Variants in SKIL observed in about 807,000 individuals in gnomAD.
The protein encoded by SKIL is SKI like proto-oncogene, also known as ski-like protein.
SKIL carries 20 observed loss-of-function variants against 69.6 expected under a neutral mutation model. The observed-to-expected ratio is 0.29, with a 90% confidence interval of 0.20 to 0.42. SKIL has a LOEUF of 0.42. SKIL is among the 10% of genes least tolerant of loss of function. The probability of loss-of-function intolerance (pLI) is 1.00; values close to 1 mark genes in which losing one functional copy is unlikely to be tolerated. For missense variants in SKIL, 745 were observed against 783.1 expected (o/e 0.95, Z 0.58); for synonymous variants, 310 against 279.9 (o/e 1.11, Z -1.08).
At chr3:170,383,384 A>G (rs1470304267) in intron 3 of SKIL, among the ~76,000 whole-genome samples, 1 of 152,236 alleles carries the variant, frequency 6.6e-6, no homozygotes, top group Non-Finnish European at 1.5e-5. Flanking sequence ...TACAAAGAAA[A>G]TGAAATGTAA....
Position 170,360,245 on chromosome 3 carries a change from T to C in SKIL, c.-87T>C, listed in dbSNP as rs1363988552. 3 of 1,248,468 alleles carry C rather than the reference T, an allele frequency of 2.4e-6. No homozygotes were observed. The highest frequency in any genetic ancestry group is 3.0e-5 in the African/African-American group (2 of 66,774). 77.3% of individuals were successfully genotyped at this position (1,248,468 alleles called of 1,614,324 possible). On this transcript the variant is annotated 5_prime_UTR_variant, in exon 2 of 7. Coordinates refer to ENST00000259119, the MANE Select transcript of SKIL (RefSeq NM_005414.5). ...GAGAGTAAGTTACGATAGGCATTTG[T>C]ATCCATTCATTACTTTCCTCTTTTC...
chr3:170,393,515 T>C lies in SKIL; in HGVS notation c.*1098T>C, dbSNP rs985944889. 2 of 152,120 alleles carry C rather than the reference T, an allele frequency of 1.3e-5. No individual in the cohort carries two copies. Among genetic ancestry groups the C allele is most frequent in the African/African-American group, 4.8e-5 (2 of 41,422 alleles). 9.4% of individuals were successfully genotyped at this position (152,120 alleles called of 1,614,324 possible). On this transcript the variant is annotated 3_prime_UTR_variant, in exon 7 of 7. Transcript: ENST00000259119. ...AGTTTAGTTACCTGCTACTAAAAGA[T>C]TTTTAGATAAGTTTTAGAAGATAAA...
chr3:170,384,410 G>T (rs548972595), intron 3 of SKIL, 123 bp from the exon 4 acceptor site: 3 of 561,344 alleles, frequency 5.3e-6, no homozygotes, highest in African/African-American at 3.8e-5. Context: ...TTTCTGAGTT[G>T]TAATATTGTC....
chr3:170,359,350 C>T (rs1264669084), intron 1 of SKIL, among the ~76,000 whole-genome samples: 1 of 152,146 alleles, frequency 6.6e-6, no homozygotes, highest in African/African-American at 2.4e-5. Context: ...AATTCCAGCA[C>T]TTTGGGAGGC....
Position 170,359,819 on chromosome 3 carries a change from C to G in SKIL, c.-513C>G, listed in dbSNP as rs1275477007. On this transcript the variant is annotated 5_prime_UTR_variant, in exon 2 of 7. Transcript: ENST00000259119. Reference sequence around the variant, plus strand: ...TCTTCAGTTTTTCAGCACAGACCAGCAGACCATCATTTTTAGAGGAAATAC... The same window carrying G: ...TCTTCAGTTTTTCAGCACAGACCAGGAGACCATCATTTTTAGAGGAAATAC... 1 of 153,038 alleles carries G rather than the reference C, an allele frequency of 6.5e-6. No individual in the cohort carries two copies. 9.5% of individuals were successfully genotyped at this position (153,038 alleles called of 1,614,324 possible).
At chr3:170,370,972 A>G (rs1262487529) in intron 2 of SKIL, among the ~76,000 whole-genome samples, 2 of 152,132 alleles carry the variant, frequency 1.3e-5, no homozygotes, top group Admixed American at 6.5e-5. Context: ...ACAAAACAAA[A>G]CTTAATAAAA....
chr3:170,364,298 T>C (rs894979273), intron 2 of SKIL, among the ~76,000 whole-genome samples: 2 of 144,010 alleles, frequency 1.4e-5, no homozygotes, highest in East Asian at 2.1e-4. Flanking sequence ...TTGCCAGATA[T>C]TGTTGCTCCC....
chr3:170,371,097 A>G (rs1025565287), intron 2 of SKIL, among the ~76,000 whole-genome samples: 3 of 152,220 alleles, frequency 2.0e-5, no homozygotes, highest in Admixed American at 6.5e-5. Context: ...AGAAAACACA[A>G]TTTCCTCATA....
Position 170,386,161 on chromosome 3 carries a change from G to A in SKIL, c.1429+1396G>A, listed in dbSNP as rs530210959. ...TTTGTTTGTTTGGAGACAGAGTTTC[G>A]TATTTGTTGCCCAGGCTAGAGTGCA... On this transcript the variant is annotated intron_variant, in intron 4 of 6. Transcript: ENST00000259119. 2.7e-5 allele frequency among the ~76,000 whole-genome samples: 4 copies of A among 149,920 alleles called. No individual in the cohort carries two copies. The South Asian group carries it at 8.5e-4, about 32-fold the overall frequency.
chr3:170,383,364 G>C (rs1241280221), intron 3 of SKIL, among the ~76,000 whole-genome samples: 1 of 152,184 alleles, frequency 6.6e-6, no homozygotes, highest in African/African-American at 2.4e-5. Flanking sequence ...GAACAATATA[G>C]ATGTCTTAGT....
intron 2 of SKIL, among the ~76,000 whole-genome samples, chr3:170,377,182 C>T (rs1737070525): frequency 6.6e-6 from 1 of 151,848 alleles, no homozygotes; most frequent in African/African-American, 2.4e-5. Flanking sequence ...TATAAATAAG[C>T]AGTGGAATTT....
chr3:170,360,921 G>A lies in SKIL; in HGVS notation c.590G>A (p.Cys197Tyr), dbSNP rs770636614. Residue 197 changes from cysteine to tyrosine, a missense_variant, in exon 2 of 7, where the codon TGT becomes TAT. Transcript: ENST00000259119. ...GAACTGTACATATATTGTTCAAGGT[G>A]TACTTCAGACCAGCTTCATATCTTA... Reference protein sequence around the residue: ...CDELYIYCSRCTSDQLHILKV... With the variant: ...CDELYIYCSRYTSDQLHILKV... The A allele has an allele frequency of 6.2e-7, 1 of 1,614,160 alleles. No homozygotes were observed. The highest frequency in any genetic ancestry group is 8.5e-7 in the Non-Finnish European group (1 of 1,180,038).
chr3:170,392,219 C>T, intron 6 of SKIL, 40 bp from the exon 7 acceptor site: 1 of 1,510,414 alleles, frequency 6.6e-7, no homozygotes, highest in Non-Finnish European at 8.9e-7. Flanking sequence ...AATGGAAAAA[C>T]AAAACAATTA....
chr3:170,380,459 A>G (rs1344151612), intron 2 of SKIL, among the ~76,000 whole-genome samples: 1 of 152,072 alleles, frequency 6.6e-6, no homozygotes, highest in Non-Finnish European at 1.5e-5. Flanking sequence ...CCTGGCCAAC[A>G]TGGCAAAACC....
rs375334286 is a variant in SKIL at position 170,360,291 on chromosome 3, A to C, written c.-41A>C. 6.7e-7 allele frequency: 1 copy of C among 1,501,686 alleles called. No individual in the cohort carries two copies. The highest frequency in any genetic ancestry group is 8.9e-7 in the Non-Finnish European group (1 of 1,124,558). The allele number at this position is 1,501,686 out of a possible 1,614,324, so 93.0% of individuals were successfully genotyped here. A position where few individuals can be genotyped will look rare whatever the true frequency, so the allele number is the denominator to read the frequency against. ...TTTTCAAATAAGCAACTAAATAGAA[A>C]TGCTAATCTCAGACTTAATTATTTA... On this transcript the variant is annotated 5_prime_UTR_variant, in exon 2 of 7. The change abolishes an upstream ATG in the 5' untranslated region. Transcript: ENST00000259119.
At chr3:170,381,485 T>C in intron 3 of SKIL, 144 bp downstream of exon 3, 1 of 565,724 alleles carries the variant, frequency 1.8e-6, no homozygotes, top group Non-Finnish European at 3.2e-6. Context: ...CAGGCTGGAG[T>C]GCAGTGGCGC....
intron 1 of SKIL, among the ~76,000 whole-genome samples, chr3:170,358,800 C>T (rs1383082879): frequency 6.6e-6 from 1 of 152,088 alleles, no homozygotes; most frequent in East Asian, 1.9e-4. Flanking sequence ...CTTTTTGTCC[C>T]GGATTAGTCT....
At position 170,394,621 on chromosome 3, in the gene SKIL, T is replaced by A. The variant is rs1166816527; in HGVS notation, c.*2204T>A. On this transcript the variant is annotated 3_prime_UTR_variant, in exon 7 of 7. Coordinates refer to ENST00000259119, the MANE Select transcript of SKIL (RefSeq NM_005414.5). ...CATTAAATTATTATGAACTTGTAAT[T>A]CAGAATTGAGTAAAGAAATATTTTT... is the stretch of plus-strand genomic sequence containing the variant. The A allele has an allele frequency of 1.3e-5, 2 of 152,218 alleles. No homozygotes were observed. The highest frequency in any genetic ancestry group is 4.8e-5 in the African/African-American group (2 of 41,462). The allele number at this position is 152,218 out of a possible 1,614,324, so 9.4% of individuals were successfully genotyped here.
At chr3:170,376,105 T>G (rs1208309321) in intron 2 of SKIL, among the ~76,000 whole-genome samples, 5 of 143,050 alleles carry the variant, frequency 3.5e-5, no homozygotes, top group African/African-American at 1.3e-4. Context: ...TGGAGCGCAG[T>G]GGCGCAATCT....
Sources: allele counts gnomAD v4.1 joint callset (sites outside exome capture counted in the v4.1 genomes callset), GRCh38; gene constraint gnomAD v4.1.1; transcripts MANE v1.5; gene names NCBI Gene and HGNC (gene_info 2026-07-23, HGNC 2026-07-21).